The following MTOR variants were observed in gnomAD, a reference collection of about 807,000 sequenced individuals.
The protein encoded by MTOR is mechanistic target of rapamycin kinase.
A neutral mutation model predicts 319.8 loss-of-function variants in MTOR; 70 were observed. The ratio of observed to expected loss-of-function variants is 0.22; its 90% CI spans 0.18 to 0.27. MTOR has a LOEUF of 0.27. Among genes scored for constraint, MTOR ranks in the 10% least tolerant of loss-of-function variants. The pLI is 1.00. For missense variants in MTOR, 1,890 were observed against 3,274.4 expected, an observed-to-expected ratio of 0.58 and a Z score of 10.32; for synonymous variants, 1,183 against 1,211.4, an observed-to-expected ratio of 0.98 and a Z score of 0.49.
intron 29 of MTOR, among the ~76,000 whole-genome samples, chr1:11,166,880 T>C (rs988981360): frequency 9.2e-5 from 14 of 152,044 alleles, no homozygotes; most frequent in Admixed American, 4.6e-4. Flanking sequence ...ATTAAGAAAA[T>C]GTGGCACATA....
intron 6 of MTOR, among the ~76,000 whole-genome samples, chr1:11,250,057 A>C (rs76728929): frequency 0.64 from 71,687 of 112,632 alleles, 20,211 homozygotes; most frequent in East Asian, 0.84. Flanking sequence ...GCTGACCCCC[A>C]CACCTCCCTC....
At chr1:11,213,328 C>T (rs1435009294) in intron 21 of MTOR, 71 bp downstream of exon 21, 1 of 1,533,316 alleles carries the variant, frequency 6.5e-7, no homozygotes, top group East Asian at 2.3e-5. Context: ...GAGGTCTCAG[C>T]TTTTAGCTGA....
chr1:11,199,763 A>G lies in MTOR; in HGVS notation c.3945-60T>C. ...CCCGTGCCTCTGCCTGCTGCCTCAA[A>G]GTCACACCTATCAATTCGCTTTTGG... On this transcript the variant is annotated intron_variant, in intron 26 of 57. Transcript: ENST00000361445. This position sits in a 1 kb window ranked among gnomAD's most constrained non-coding sequence, Gnocchi z 4.5. 1 of 1,577,140 alleles carries G rather than the reference A, an allele frequency of 6.3e-7. No individual in the cohort carries two copies. Among genetic ancestry groups the G allele is most frequent in the Non-Finnish European group, 8.7e-7 (1 of 1,153,294 alleles).
rs765650297 is a variant in MTOR, at chr1:11,107,159, G to T, written c.*326C>A. 3.0e-5 allele frequency: 42 copies of T among 1,383,738 alleles called. No homozygotes were observed. Among genetic ancestry groups the T allele is most frequent in the Non-Finnish European group, 3.8e-6 (4 of 1,049,662 alleles). 85.7% of individuals were successfully genotyped at this position (1,383,738 alleles called of 1,614,324 possible). On this transcript the variant is annotated 3_prime_UTR_variant, in exon 58 of 58. Transcript: ENST00000361445. The stretch of plus-strand genomic sequence containing the variant: ...TCTTCCATCAGCAAGTACTTATGAT[G>T]AGTTCTCTTGTGAGTTAAGTCAAAA...
In MTOR at chr1:11,189,130, A is replaced by G. The variant is rs28990990; in HGVS notation, c.4253+10128T>C. Among the ~76,000 whole-genome samples the G allele has an allele frequency of 2.8e-3, 420 of 152,228 alleles. 5 individuals carry two copies. The highest frequency in any genetic ancestry group is 9.5e-3 in the African/African-American group (394 of 41,532). On this transcript the variant is annotated intron_variant, in intron 28 of 57. Transcript: ENST00000361445. The stretch of plus-strand genomic sequence containing the variant: ...TAATAGGCGAAACTGGAAACACACA[A>G]ATTCACAGTCCTCTTGTCTTAGCCC...
At chr1:11,158,253 T>C (rs762605440) in intron 29 of MTOR, among the ~76,000 whole-genome samples, 2 of 152,330 alleles carry the variant, frequency 1.3e-5, no homozygotes, top group Non-Finnish European at 1.5e-5. Context: ...GCAGTGAAAT[T>C]TGTATGATAT....
At chr1:11,234,311 C>T in intron 13 of MTOR, 46 bp from the exon 14 acceptor site, 1 of 1,558,446 alleles carries the variant, frequency 6.4e-7, no homozygotes, top group Non-Finnish European at 8.7e-7. Flanking sequence ...AGAAGACATT[C>T]TAGAGAGAGA....
chr1:11,120,879 C>T (rs977960152), intron 49 of MTOR, among the ~76,000 whole-genome samples: 11 of 152,070 alleles, frequency 7.2e-5, no homozygotes, highest in East Asian at 1.9e-4. Context: ...GCAGAAGCTA[C>T]GGATATGGAG....
chr1:11,147,019 C>T (rs1261382261), intron 31 of MTOR, among the ~76,000 whole-genome samples: 1 of 152,206 alleles, frequency 6.6e-6, no homozygotes, highest in African/African-American at 2.4e-5. Flanking sequence ...GACTCCATGG[C>T]TGCCCAGGGA....
intron 2 of MTOR, among the ~76,000 whole-genome samples, chr1:11,258,802 C>T (rs1296008759): frequency 6.6e-6 from 1 of 152,134 alleles, no homozygotes; most frequent in Non-Finnish European, 1.5e-5. Flanking sequence ...TATTAGGTAT[C>T]TACTCTGTGG....
intron 6 of MTOR, among the ~76,000 whole-genome samples, chr1:11,249,865 A>G (rs1204201558): frequency 6.6e-6 from 1 of 150,732 alleles, no homozygotes; most frequent in African/African-American, 2.4e-5. Flanking sequence ...TCTTTTCCCC[A>G]CCTTTGCCCC....
At chr1:11,162,189 T>G (rs554300555) in intron 29 of MTOR, among the ~76,000 whole-genome samples, 30 of 152,200 alleles carry the variant, frequency 2.0e-4, no homozygotes, top group Admixed American at 1.7e-3. Context: ...TATCAGTGAC[T>G]GAAGATCAAA....
At chr1:11,161,296 C>T (rs968521415) in intron 29 of MTOR, among the ~76,000 whole-genome samples, 3 of 152,260 alleles carry the variant, frequency 2.0e-5, no homozygotes, top group African/African-American at 7.2e-5. Flanking sequence ...GAAGCTAGAT[C>T]TGGGTGGAGC....
chr1:11,251,060 TGG>T (rs1649602329), intron 6 of MTOR, among the ~76,000 whole-genome samples: 1 of 152,168 alleles, frequency 6.6e-6, no homozygotes, highest in Non-Finnish European at 1.5e-5. Context: ...CTCAACACAA[TGG>T]CAAGAGTGAT....
intron 9 of MTOR, among the ~76,000 whole-genome samples, chr1:11,242,236 C>T (rs1420482321): frequency 6.6e-6 from 1 of 151,960 alleles, no homozygotes; most frequent in East Asian, 1.9e-4. Flanking sequence ...TGCTGGCACA[C>T]GCCTGTAGTC....
Position 11,243,604 on chromosome 1 carries a change from CT to C in MTOR, c.1226-305del, listed in dbSNP as rs561800962. Reference sequence around the variant, plus strand: ...TCGGGAGGCTGAGGCAGGAGGATCACTTGAGCCCAGATGGTTGAGGCTGCAG... The same window carrying C: ...TCGGGAGGCTGAGGCAGGAGGATCACTGAGCCCAGATGGTTGAGGCTGCAG... On this transcript the variant is annotated intron_variant, in intron 8 of 57. Coordinates refer to ENST00000361445, the MANE Select transcript of MTOR (RefSeq NM_004958.4). Among the ~76,000 whole-genome samples, 48 of 151,308 alleles carry C rather than the reference CT, an allele frequency of 3.2e-4. No individual in the cohort carries two copies. The South Asian group carries it at 7.9e-3, about 25-fold the overall frequency.
At chr1:11,108,142 T>C in intron 57 of MTOR, 39 bp downstream of exon 57, 1 of 1,544,670 alleles carries the variant, frequency 6.5e-7, no homozygotes, top group Non-Finnish European at 8.9e-7. Context: ...GGGACCTGAT[T>C]GCTTATTTTA....
At chr1:11,118,360 C>T (rs1403722903) in intron 49 of MTOR, among the ~76,000 whole-genome samples, 2 of 87,956 alleles carry the variant, frequency 2.3e-5, no homozygotes, top group Non-Finnish European at 3.4e-5. Context: ...CCTCAGCCTC[C>T]TGAGTAGCTA....
intron 28 of MTOR, chr1:11,190,051 C>A: frequency 7.1e-7 from 1 of 1,412,894 alleles, no homozygotes. Context: ...ACTGGGGCCT[C>A]TTTTGTGGGT....
Sources: gnomAD v4.1 joint callset for allele counts (sites outside exome capture counted in the v4.1 genomes callset) on GRCh38, gnomAD v4.1.1 for gene constraint, Gnocchi (gnomAD v3.1) non-coding constraint, MANE v1.5 for transcripts, NCBI Gene and HGNC (gene_info 2026-07-23, HGNC 2026-07-21) for gene names.